SMARCD3: variants seen among roughly 807,000 people sequenced by gnomAD.
The protein encoded by SMARCD3 is SWI/SNF-related matrix-associated actin-dependent regulator of chromatin subfamily D member 3.
A neutral mutation model predicts 58.0 loss-of-function variants in SMARCD3; 14 were observed. The ratio of observed to expected loss-of-function variants is 0.24; its 90% CI spans 0.16 to 0.38. The LOEUF (loss-of-function observed/expected upper bound fraction) is 0.38. Ranked by LOEUF, SMARCD3 falls within the 10% of genes least tolerant of loss-of-function variation. The pLI is 1.00. For missense variants in SMARCD3, 408 were observed against 636.9 expected (o/e 0.64, Z 3.87); for synonymous variants, 253 against 253.8 (o/e 1.00, Z 0.03).
At chr7:151,255,097 T>C (rs1040868139) in intron 2 of SMARCD3, among the ~76,000 whole-genome samples, 20 of 152,184 alleles carry the variant, frequency 1.3e-4, no homozygotes, top group African/African-American at 4.8e-4. Context: ...CCCTCGGCCT[T>C]GAGGGCACCA....
At chr7:151,266,520 A>G (rs1804084762) in intron 2 of SMARCD3, among the ~76,000 whole-genome samples, 1 of 152,182 alleles carries the variant, frequency 6.6e-6, no homozygotes, top group Non-Finnish European at 1.5e-5. Flanking sequence ...ATCTGCATCT[A>G]TATCTTTGCT....
intron 8 of SMARCD3, 199 bp from the exon 9 acceptor site, chr7:151,240,721 T>G: frequency 1.7e-6 from 1 of 572,398 alleles, no homozygotes; most frequent in Non-Finnish European, 3.1e-6. Context: ...GGTGGGTCAG[T>G]GTGGGGCAGG....
chr7:151,259,616 T>TGTTG (rs1262224766), intron 2 of SMARCD3, among the ~76,000 whole-genome samples: 1 of 125,664 alleles, frequency 8.0e-6, no homozygotes, highest in African/African-American at 3.3e-5. Flanking sequence ...TTTTTTTTTT[T>TGTTG]TTTTTTTTTT....
chr7:151,252,131 C>T (rs1300015400), upstream of SMARCD3, among the ~76,000 whole-genome samples: 1 of 152,150 alleles, frequency 6.6e-6, no homozygotes, highest in Admixed American at 6.5e-5. Flanking sequence ...GCCCCAGCCG[C>T]AGTCCCGCCC....
chr7:151,240,092 G>A lies in SMARCD3; in HGVS notation c.1173+20C>T. ...ATCTCTGGGTTAATGTCCCACTCCA[G>A]CTCTGGGCTTGGGCCCCACCTTACT... On this transcript the variant is annotated intron_variant, in intron 10 of 12. Coordinates refer to ENST00000262188, the MANE Select transcript of SMARCD3 (RefSeq NM_001003801.2). The A allele has an allele frequency of 6.2e-7, 1 of 1,612,994 alleles. No individual in the cohort carries two copies. The highest frequency in any genetic ancestry group is 8.5e-7 in the Non-Finnish European group (1 of 1,179,806).
intron 2 of SMARCD3, among the ~76,000 whole-genome samples, chr7:151,261,926 C>T (rs141072486): frequency 1.0e-3 from 156 of 152,260 alleles, no homozygotes; most frequent in Admixed American, 1.4e-3. Context: ...AGCCACTGGA[C>T]GCTTCCTTGG....
At chr7:151,250,244 G>A (rs554960691), upstream of SMARCD3, among the ~76,000 whole-genome samples, 3 of 152,046 alleles carry the variant, frequency 2.0e-5, no homozygotes, top group South Asian at 4.1e-4. Context: ...TCTGGTCCAG[G>A]TTGCTCCTCC....
chr7:151,240,976 C>T lies in SMARCD3; in HGVS notation c.940-454G>A, dbSNP rs56307334. The T allele has an allele frequency of 1.3e-5, 3 of 235,646 alleles. No homozygotes were observed. The Admixed American group carries it at 1.5e-4, about 12-fold the overall frequency. The allele number at this position is 235,646 out of a possible 1,614,324, so 14.6% of individuals were successfully genotyped here. A position where few individuals can be genotyped will look rare whatever the true frequency, so the allele number is the denominator to read the frequency against. ...TAAATATCAACTGCTATTTTTACTC[C>T]TCAGGTTTATCTGCTGTATTTATTT... On this transcript the variant is annotated intron_variant, in intron 8 of 12. Transcript: ENST00000262188.
At chr7:151,248,715 G>A, upstream of SMARCD3, 3 of 1,246,618 alleles carry the variant, frequency 2.4e-6, no homozygotes, top group Non-Finnish European at 3.0e-6. This position sits in a 1 kb window ranked among gnomAD's most constrained non-coding sequence, Gnocchi z 6.1. Flanking sequence ...CCCCTTCAGG[G>A]CTGCCCTGAC....
At chr7:151,274,533 C>T (rs1192265719) in intron 2 of SMARCD3, among the ~76,000 whole-genome samples, 1 of 152,250 alleles carries the variant, frequency 6.6e-6, no homozygotes, top group Non-Finnish European at 1.5e-5. Context: ...CCACTGCGGG[C>T]TGTGCAGTAG....
rs1803280899 is a variant in SMARCD3 at position 151,246,654 on chromosome 7, G to A, written c.79-983C>T. On this transcript the variant is annotated intron_variant, in intron 1 of 12. Coordinates refer to ENST00000262188, the MANE Select transcript of SMARCD3 (RefSeq NM_001003801.2). The surrounding 1 kb of genome is among the most constrained non-coding windows in gnomAD (Gnocchi z 4.4). ...GCAGTCAGGGTTCATGGGGGCTGTGGAGACTGAGAGGAGGCGGCTCCTCCT... is the reference window on the plus strand; with the variant it reads ...GCAGTCAGGGTTCATGGGGGCTGTGAAGACTGAGAGGAGGCGGCTCCTCCT... 6.6e-6 allele frequency among the ~76,000 whole-genome samples: 1 copy of A among 152,164 alleles called. No homozygotes were observed. The highest frequency in any genetic ancestry group is 6.5e-5 in the Admixed American group (1 of 15,292).
intron 1 of SMARCD3, among the ~76,000 whole-genome samples, chr7:151,276,277 T>C (rs913518200): frequency 3.1e-5 from 4 of 130,106 alleles, no homozygotes; most frequent in African/African-American, 1.2e-4. Context: ...AGGTGCTAGG[T>C]AGGGGAAGGA....
intron 1 of SMARCD3, among the ~76,000 whole-genome samples, chr7:151,275,652 C>G (rs1181198572): frequency 6.6e-6 from 1 of 152,056 alleles, no homozygotes; most frequent in Non-Finnish European, 1.5e-5. Context: ...GGCCCTGGAG[C>G]CCAGGGGCAT....
chr7:151,253,561 A>G (rs1459549667), upstream of SMARCD3, among the ~76,000 whole-genome samples: 1 of 151,654 alleles, frequency 6.6e-6, no homozygotes, highest in African/African-American at 2.4e-5. Flanking sequence ...CACACAACAC[A>G]ATAAACTGCT....
chr7:151,240,622 A>G, intron 8 of SMARCD3, 100 bp from the exon 9 acceptor site: 3 of 776,336 alleles, frequency 3.9e-6, no homozygotes, highest in Non-Finnish European at 6.1e-6. Flanking sequence ...AGAAGCTGAG[A>G]GGAAGTCTGA....
Position 151,239,659 on chromosome 7 carries a change from G to A in SMARCD3, c.1261C>T (p.Gln421Ter). 1 of 1,614,076 alleles carries A rather than the reference G, an allele frequency of 6.2e-7. No individual in the cohort carries two copies. ...CGGCTCTGGGAGCGGAGCAGGTCTT[G>A]GACATAGCCTTTGGGGTCTCTGGAG... ...SFSRDPKGYV[Q>*]DLLRSQSRDL... The change falls in exon 11 of 13, where the codon CAA becomes TAA. Residue 421 changes from glutamine (Q) to a stop codon, truncating the protein, a stop_gained. Coordinates refer to ENST00000262188, the MANE Select transcript of SMARCD3 (RefSeq NM_001003801.2). LOFTEE classifies it high-confidence loss of function. The surrounding 1 kb of genome is among the most constrained non-coding windows in gnomAD (Gnocchi z 7.0).
At chr7:151,240,641 T>TGC (rs143664153) in intron 8 of SMARCD3, 119 bp from the exon 9 acceptor site, 7,765 of 650,780 alleles carry the variant, frequency 0.012, 80 homozygotes, top group Middle Eastern at 0.028. Context: ...GATTCCTCAG[T>TGC]GCGCATGGGG....
At position 151,245,628 on chromosome 7, in the gene SMARCD3, G is replaced by GC; in HGVS notation, c.121dup (p.Ala41GlyfsTer65). On this transcript the variant is annotated frameshift_variant, in exon 2 of 13. Coordinates refer to ENST00000262188, the MANE Select transcript of SMARCD3 (RefSeq NM_001003801.2). LOFTEE classifies it high-confidence loss of function. This position sits in a 1 kb window ranked among gnomAD's most constrained non-coding sequence, Gnocchi z 6.2. Reference sequence around the variant, plus strand: ...CGGGGAGCCCGGGGGGCCCATGGGCGCCCCCTGGTGGGGCATCCGGGCTCC... The same window carrying GC: ...CGGGGAGCCCGGGGGGCCCATGGGCGCCCCCCTGGTGGGGCATCCGGGCTCC... The GC allele has an allele frequency of 4.2e-6, 5 of 1,181,634 alleles. No homozygotes were observed. The highest frequency in any genetic ancestry group is 5.3e-6 in the Non-Finnish European group (5 of 942,830). 73.2% of individuals were successfully genotyped at this position (1,181,634 alleles called of 1,614,324 possible).
intron 2 of SMARCD3, among the ~76,000 whole-genome samples, chr7:151,254,035 C>A (rs1239533950): frequency 6.6e-6 from 1 of 152,196 alleles, no homozygotes; most frequent in South Asian, 2.1e-4. Context: ...ACAAGGGGAT[C>A]GCATGGCCTC....
Sources: allele counts gnomAD v4.1 joint callset (sites outside exome capture counted in the v4.1 genomes callset), GRCh38; gene constraint gnomAD v4.1.1; non-coding constraint Gnocchi (gnomAD v3.1); transcripts MANE v1.5; gene names NCBI Gene and HGNC (gene_info 2026-07-23, HGNC 2026-07-21).